RORA: variants seen among roughly 807,000 people sequenced by gnomAD.
The protein encoded by RORA is nuclear receptor ROR-alpha.
Under a neutral mutation model 69.5 loss-of-function variants are expected in RORA, and 7 were observed. That is an observed-to-expected ratio of 0.10 (90% confidence interval 0.06 to 0.19). RORA has a LOEUF of 0.19. Ranked by LOEUF, RORA falls within the 10% of genes least tolerant of loss-of-function variation. The pLI, the probability that RORA is intolerant of heterozygous loss-of-function variation, is 1.00. For missense variants in RORA, 457 were observed against 663.0 expected, an observed-to-expected ratio of 0.69 and a Z score of 3.41; for synonymous variants, 261 against 240.8, an observed-to-expected ratio of 1.08 and a Z score of -0.78.
chr15:61,052,001 C>T (rs1342287583), intron 1 of RORA, among the ~76,000 whole-genome samples: 1 of 152,222 alleles, frequency 6.6e-6, no homozygotes, highest in Non-Finnish European at 1.5e-5. Context: ...GCCTGGAAGT[C>T]TTATGCACAC....
At chr15:60,641,245 C>G (rs558916420) in intron 2 of RORA, among the ~76,000 whole-genome samples, 1 of 152,068 alleles carries the variant, frequency 6.6e-6, no homozygotes, top group Non-Finnish European at 1.5e-5. Flanking sequence ...AGCCACCACA[C>G]CTGGTGTGGG....
intron 1 of RORA, among the ~76,000 whole-genome samples, chr15:60,842,474 G>A (rs1210509654): frequency 1.3e-5 from 2 of 152,186 alleles, no homozygotes; most frequent in African/African-American, 2.4e-5. Flanking sequence ...GTTAAGCATT[G>A]CTTCCTGAGT....
At chr15:61,050,446 C>G (rs1897240752) in intron 1 of RORA, among the ~76,000 whole-genome samples, 1 of 152,126 alleles carries the variant, frequency 6.6e-6, no homozygotes, top group Non-Finnish European at 1.5e-5. Flanking sequence ...TAATTACAGT[C>G]AATAACTCTC....
chr15:60,890,615 C>T (rs1229133167), intron 1 of RORA, among the ~76,000 whole-genome samples: 2 of 152,134 alleles, frequency 1.3e-5, no homozygotes, highest in African/African-American at 2.4e-5. Flanking sequence ...AAGGTGTGGC[C>T]GAGGGCTGTT....
rs185782568 is a variant in RORA, at chr15:60,840,982, G to A, written c.167-162296C>T. 7.4e-5 allele frequency: 36 copies of A among 489,106 alleles called. No homozygotes were observed. In the East Asian group the frequency reaches 1.4e-3, roughly 19 times the overall value. 30.3% of individuals were successfully genotyped at this position (489,106 alleles called of 1,614,324 possible). A position where few individuals can be genotyped will look rare whatever the true frequency, so the allele number is the denominator to read the frequency against. On this transcript the variant is annotated intron_variant, in intron 1 of 10. Transcript: ENST00000335670. ...ACACCACACGGGGAGGGAGGGTAGC[G>A]ACAATACCACCTCCTTCCTCGACAA...
intron 2 of RORA, among the ~76,000 whole-genome samples, chr15:60,601,773 A>G (rs1187986031): frequency 6.6e-6 from 1 of 152,182 alleles, no homozygotes; most frequent in Admixed American, 6.5e-5. Context: ...TTTATTTTCA[A>G]TGTACTTTGA....
intron 1 of RORA, among the ~76,000 whole-genome samples, chr15:60,902,891 C>A (rs999545736): frequency 6.6e-6 from 1 of 152,170 alleles, no homozygotes; most frequent in Non-Finnish European, 1.5e-5. Context: ...AATCTAGGGG[C>A]GTACTCCGCT....
At chr15:60,991,902 C>A (rs988496590) in intron 1 of RORA, among the ~76,000 whole-genome samples, 4 of 90,004 alleles carry the variant, frequency 4.4e-5, no homozygotes, top group African/African-American at 1.6e-4. Flanking sequence ...CGAGACCGTG[C>A]CTCAAAAATA....
intron 1 of RORA, among the ~76,000 whole-genome samples, chr15:60,725,593 C>T (rs1174861798): frequency 6.6e-6 from 1 of 152,156 alleles, no homozygotes; most frequent in Admixed American, 6.5e-5. Flanking sequence ...AATCTTAGTT[C>T]TTTTAAAATA....
At chr15:61,092,469 A>G (rs967986735) in intron 1 of RORA, among the ~76,000 whole-genome samples, 3 of 152,210 alleles carry the variant, frequency 2.0e-5, no homozygotes, top group African/African-American at 7.2e-5. Context: ...CTTGGCAAAC[A>G]CCACTTTATC....
chr15:60,497,345 G>A lies in RORA; in HGVS notation c.*110C>T. 1.2e-6 allele frequency: 1 copy of A among 825,812 alleles called. No individual in the cohort carries two copies. The highest frequency in any genetic ancestry group is 1.9e-6 in the Non-Finnish European group (1 of 522,618). The allele number at this position is 825,812 out of a possible 1,614,324, so 51.2% of individuals were successfully genotyped here. A position where few individuals can be genotyped will look rare whatever the true frequency, so the allele number is the denominator to read the frequency against. ...CCCCGATCACCAAAAGATGTGCAGT[G>A]TGTGGCGCTCCAGGTCTGTGCAGGG... On this transcript the variant is annotated 3_prime_UTR_variant, in exon 11 of 11. Coordinates refer to ENST00000335670, the MANE Select transcript of RORA (RefSeq NM_134261.3).
intron 1 of RORA, among the ~76,000 whole-genome samples, chr15:61,139,440 G>C (rs1368277031): frequency 6.6e-6 from 1 of 152,154 alleles, no homozygotes; most frequent in Non-Finnish European, 1.5e-5. Context: ...AACCAACAAA[G>C]TAATGAAAGA....
chr15:61,184,668 G>GT (rs959261043), intron 1 of RORA, among the ~76,000 whole-genome samples: 10 of 152,120 alleles, frequency 6.6e-5, no homozygotes, highest in Non-Finnish European at 1.0e-4. Context: ...TACAGTAAAG[G>GT]TTTGCTGAAT....
chr15:60,720,526 C>G (rs1249354422), intron 1 of RORA, among the ~76,000 whole-genome samples: 1 of 152,206 alleles, frequency 6.6e-6, no homozygotes, highest in Non-Finnish European at 1.5e-5. Flanking sequence ...GCCCTTCCCT[C>G]TTGCCTCAGG....
intron 1 of RORA, among the ~76,000 whole-genome samples, chr15:61,149,463 TAAG>T (rs1002735048): frequency 2.7e-5 from 3 of 112,120 alleles, no homozygotes; most frequent in African/African-American, 8.2e-5. Context: ...CTTCAGCGGT[TAAG>T]AAGACACTAT....
intron 2 of RORA, among the ~76,000 whole-genome samples, chr15:60,591,752 G>A (rs1416139637): frequency 1.3e-5 from 2 of 152,108 alleles, no homozygotes; most frequent in African/African-American, 2.4e-5. Context: ...CGCTCGAGGC[G>A]CCCGTCTCGC....
chr15:61,222,838 C>A (rs1355282637), intron 1 of RORA, among the ~76,000 whole-genome samples: 1 of 152,166 alleles, frequency 6.6e-6, no homozygotes, highest in Non-Finnish European at 1.5e-5. Context: ...TTCCTTCTAA[C>A]CCTAGAGTTT....
chr15:60,950,715 G>A (rs1457966035), intron 1 of RORA, among the ~76,000 whole-genome samples: 2 of 78,664 alleles, frequency 2.5e-5, no homozygotes, highest in Admixed American at 1.5e-4. Context: ...ATGGTAAAGG[G>A]ATCAATTCAA....
At chr15:60,625,425 A>G (rs753133695) in intron 2 of RORA, among the ~76,000 whole-genome samples, 3 of 152,166 alleles carry the variant, frequency 2.0e-5, no homozygotes, top group African/African-American at 7.2e-5. Flanking sequence ...TTACAAATGC[A>G]TTTACCATTG....
Sources: allele counts gnomAD v4.1 joint callset (sites outside exome capture counted in the v4.1 genomes callset), GRCh38; gene constraint gnomAD v4.1.1; transcripts MANE v1.5; gene names NCBI Gene and HGNC (gene_info 2026-07-23, HGNC 2026-07-21).